MAPK7: variants seen among roughly 807,000 people sequenced by gnomAD.
MAPK7 encodes BMK-1.
In MAPK7, 30 loss-of-function variants were observed where a neutral mutation model predicts 56.9. That is an observed-to-expected ratio of 0.53 (90% CI 0.39 to 0.72). The LOEUF is 0.72. Ranked by LOEUF, MAPK7 falls within the 30% of genes least tolerant of loss-of-function variation. The pLI is 0.00. For missense variants in MAPK7, 952 were observed against 1,110.8 expected (o/e 0.86, Z 2.03); for synonymous variants, 516 against 449.3 (o/e 1.15, Z -1.88).
At chr17:19,379,711 G>A (rs1282745664) in intron 2 of MAPK7, 71 bp from the exon 3 acceptor site, 1 of 1,449,284 alleles carries the variant, frequency 6.9e-7, no homozygotes, top group Non-Finnish European at 9.5e-7. Flanking sequence ...GGGAGGTGTT[G>A]ATAGGGGCTG....
At position 19,379,880 on chromosome 17, in the gene MAPK7, C is replaced by T. The variant is rs765910850; in HGVS notation, c.331C>T (p.His111Tyr). Residue 111 changes from histidine to tyrosine, a missense_variant, in exon 3 of 7, where the codon CAC becomes TAC. Physicochemically the swap from His to Tyr is moderately conservative, Grantham distance 83. Around this residue, in one of 5 missense-constraint regions of MAPK7, gnomAD observed 213 missense variants for 243.2 expected, o/e 0.88. Transcript: ENST00000395604. ...RELKILKHFK[H>Y]DNIIAIKDIL... is the part of the protein sequence containing the mutation. ...GCTGAAGATCCTCAAGCACTTTAAA[C>T]ACGACAACATCATCGCCATCAAGGA... 2 of 1,614,130 alleles carry T rather than the reference C, an allele frequency of 1.2e-6. No homozygotes were observed. Among genetic ancestry groups the T allele is most frequent in the African/African-American group, 1.3e-5 (1 of 74,942 alleles).
At chr17:19,380,347 C>T in intron 3 of MAPK7, 1 of 836,008 alleles carries the variant, frequency 1.2e-6, no homozygotes, top group Non-Finnish European at 1.7e-6. Context: ...ACCTATTGGC[C>T]AGCCCTGGTG....
Position 19,378,711 on chromosome 17 carries a change from C to G in MAPK7, c.-6+81C>G. 7.2e-7 allele frequency: 1 copy of G among 1,394,836 alleles called. No homozygotes were observed. Among genetic ancestry groups the G allele is most frequent in the Non-Finnish European group, 9.4e-7 (1 of 1,068,864 alleles). The allele number at this position is 1,394,836 out of a possible 1,614,324, so 86.4% of individuals were successfully genotyped here. A position where few individuals can be genotyped will look rare whatever the true frequency, so the allele number is the denominator to read the frequency against. On this transcript the variant is annotated intron_variant, in intron 1 of 6. Transcript: ENST00000395604. This position sits in a 1 kb window ranked among gnomAD's most constrained non-coding sequence, Gnocchi z 5.4. ...CGCGCCTCGCCTACCCCTCCCCCGA[C>G]CCTGGCGGGCCCCCGGCTCTGGGCC...
rs2152295054 is a variant in MAPK7, at chr17:19,383,281, A to G, written c.*50A>G. 6.3e-7 allele frequency: 1 copy of G among 1,595,958 alleles called. No homozygotes were observed. Among genetic ancestry groups the G allele is most frequent in the East Asian group, 2.2e-5 (1 of 44,642 alleles). ...CACAGTAGACCTAGTTCCAGGATCC[A>G]TGGGAGCATTCTCAAAGGCTTTAGC... is the stretch of plus-strand genomic sequence containing the variant. On this transcript the variant is annotated 3_prime_UTR_variant, in exon 7 of 7. Coordinates refer to ENST00000395604, the MANE Select transcript of MAPK7 (RefSeq NM_002749.4).
intron 2 of MAPK7, chr17:19,379,338 T>A (rs1013343302): frequency 5.0e-6 from 3 of 601,242 alleles, no homozygotes; most frequent in Non-Finnish European, 8.9e-6. Context: ...CCTGCCTGCC[T>A]ACTTCCTCCT....
chr17:19,378,787 C>CT lies in MAPK7; in HGVS notation c.-5-107dup. ...CACGAACCAGCCGCGCGCTTCTGCC[C>CT]TTGTCGGTTTAGGAAACTGGGAAGT... is the stretch of plus-strand genomic sequence containing the variant. On this transcript the variant is annotated intron_variant, in intron 1 of 6. Coordinates refer to ENST00000395604, the MANE Select transcript of MAPK7 (RefSeq NM_002749.4). The surrounding 1 kb of genome is among the most constrained non-coding windows in gnomAD (Gnocchi z 5.4). The CT allele has an allele frequency of 7.6e-7, 1 of 1,309,760 alleles. No homozygotes were observed. Among genetic ancestry groups the CT allele is most frequent in the Non-Finnish European group, 1.0e-6 (1 of 975,702 alleles). The allele number at this position is 1,309,760 out of a possible 1,614,324, so 81.1% of individuals were successfully genotyped here. A position where few individuals can be genotyped will look rare whatever the true frequency, so the allele number is the denominator to read the frequency against.
rs749230982 is a variant in MAPK7 at position 19,383,057 on chromosome 17, C to T, written c.2298-21C>T. ...GGTCCAGCCTAGGCTAATAGCACCC[C>T]TCCCTTTCCTTCCCCTGCAGCCAGG... On this transcript the variant is annotated intron_variant, in intron 6 of 6. Transcript: ENST00000395604. 5 of 1,613,716 alleles carry T rather than the reference C, an allele frequency of 3.1e-6. No homozygotes were observed. The South Asian group carries it at 5.5e-5, about 18-fold the overall frequency.
In MAPK7 at chr17:19,380,635, C is replaced by T. The variant is rs775133038; in HGVS notation, c.426C>T (p.Ser142=). 1.3e-5 allele frequency: 21 copies of T among 1,605,706 alleles called. No individual in the cohort carries two copies. The highest frequency in any genetic ancestry group is 1.2e-4 in the Admixed American group (7 of 59,764). Residue 142 remains serine (S), a synonymous_variant, in exon 4 of 7, where the codon AGC becomes AGT. Coordinates refer to ENST00000395604, the MANE Select transcript of MAPK7 (RefSeq NM_002749.4). Reference sequence around the variant, plus strand: ...ACGTGGTCCTGGACCTGATGGAAAGCGACCTGCACCAGATCATCCACTCCT... The same window carrying T: ...ACGTGGTCCTGGACCTGATGGAAAGTGACCTGCACCAGATCATCCACTCCT... The part of the protein sequence containing the change: ...SVYVVLDLME[S]DLHQIIHSSQ...
In MAPK7 at chr17:19,380,729, C is replaced by T. The variant is rs1912577772; in HGVS notation, c.520C>T (p.His174Tyr). Residue 174 changes from histidine (H) to tyrosine (Y), a missense_variant, in exon 4 of 7, where the codon CAC becomes TAC. His to Tyr is a moderately conservative substitution (Grantham distance 83). Transcript: ENST00000395604. ...YQLLRGLKYM[H>Y]SAQVIHRDLK... ...ACTGCTGCGGGGCCTGAAGTACATG[C>T]ACTCGGCTCAGGTCATCCACCGTGA... 6.2e-7 allele frequency: 1 copy of T among 1,614,180 alleles called. No individual in the cohort carries two copies. Among genetic ancestry groups the T allele is most frequent in the Non-Finnish European group, 8.5e-7 (1 of 1,180,022 alleles).
rs753467532 is a variant in MAPK7, at chr17:19,382,045, C to A, written c.1742C>A (p.Pro581Gln). 1 of 1,575,776 alleles carries A rather than the reference C, an allele frequency of 6.3e-7. No homozygotes were observed. Among genetic ancestry groups the A allele is most frequent in the African/African-American group, 1.4e-5 (1 of 74,072 alleles). ...RWTRMARPAA[P>Q]ALTSVPAPAP... Reference sequence around the variant, plus strand: ...ACTCGAATGGCCCGGCCCGCAGCCCCAGCCCTCACCTCTGTGCCGGCCCCT... The same window carrying A: ...ACTCGAATGGCCCGGCCCGCAGCCCAAGCCCTCACCTCTGTGCCGGCCCCT... Residue 581 changes from proline to glutamine, a missense_variant, in exon 5 of 7, where the codon CCA (proline) becomes CAA (glutamine). Coordinates refer to ENST00000395604, the MANE Select transcript of MAPK7 (RefSeq NM_002749.4).
At position 19,380,821 on chromosome 17, in the gene MAPK7, T is replaced by C; in HGVS notation, c.612T>C (p.Ala204=). Residue 204 remains alanine, a synonymous_variant, in exon 4 of 7, where the codon GCT becomes GCC. Transcript: ENST00000395604. ...TCAAGATTGGTGACTTTGGTATGGC[T>C]CGTGGCCTGTGCACCTCGCCCGCTG... ...CELKIGDFGM[A]RGLCTSPAEH... The C allele has an allele frequency of 6.2e-7, 1 of 1,613,514 alleles. No individual in the cohort carries two copies. Among genetic ancestry groups the C allele is most frequent in the South Asian group, 1.1e-5 (1 of 91,032 alleles).
At position 19,381,754 on chromosome 17, in the gene MAPK7, C is replaced by G; in HGVS notation, c.1478-27C>G. 1 of 1,538,664 alleles carries G rather than the reference C, an allele frequency of 6.5e-7. No homozygotes were observed. Among genetic ancestry groups the G allele is most frequent in the South Asian group, 1.3e-5 (1 of 77,274 alleles). On this transcript the variant is annotated intron_variant, in intron 4 of 6. Coordinates refer to ENST00000395604, the MANE Select transcript of MAPK7 (RefSeq NM_002749.4). This position sits in a 1 kb window ranked among gnomAD's most constrained non-coding sequence, Gnocchi z 4.6. ...CTTGGACAAGGCTTCAGGCTTTTACCTTCTCCCCTGCCCAACTTCCCCGCA... is the reference window on the plus strand; with the variant it reads ...CTTGGACAAGGCTTCAGGCTTTTACGTTCTCCCCTGCCCAACTTCCCCGCA...
rs1912302420 is a variant in MAPK7 at position 19,378,554 on chromosome 17, A to G, written c.-82A>G. 5.9e-6 allele frequency: 7 copies of G among 1,180,536 alleles called. No homozygotes were observed. In the South Asian group the frequency reaches 1.1e-4, roughly 19 times the overall value. The allele number at this position is 1,180,536 out of a possible 1,614,324, so 73.1% of individuals were successfully genotyped here. ...CGGCCTTTGAACAAGTAAGTGAGCC[A>G]CCCTCGGAGACCCCCGCGCTGGGGA... On this transcript the variant is annotated 5_prime_UTR_variant, in exon 1 of 7. Transcript: ENST00000395604. This position sits in a 1 kb window ranked among gnomAD's most constrained non-coding sequence, Gnocchi z 5.4.
chr17:19,382,032 C>G lies in MAPK7; in HGVS notation c.1729C>G (p.Arg577Gly). ...GTTGGAACGCTGGACTCGAATGGCCCGGCCCGCAGCCCCAGCCCTCACCTC... is the reference window on the plus strand; with the variant it reads ...GTTGGAACGCTGGACTCGAATGGCCGGGCCCGCAGCCCCAGCCCTCACCTC... ...SLLERWTRMARPAAPALTSVP... is the reference protein window; with the variant it reads ...SLLERWTRMAGPAAPALTSVP... Residue 577 changes from arginine to glycine, a missense_variant, in exon 5 of 7, where the codon CGG becomes GGG. Physicochemically the swap from Arg to Gly is moderately radical, Grantham distance 125. Around this residue, in one of 5 missense-constraint regions of MAPK7, gnomAD observed 234 missense variants for 210.4 expected, o/e 1.11. Coordinates refer to ENST00000395604, the MANE Select transcript of MAPK7 (RefSeq NM_002749.4). The G allele has an allele frequency of 2.6e-6, 4 of 1,564,148 alleles. No homozygotes were observed. Among genetic ancestry groups the G allele is most frequent in the Non-Finnish European group, 3.5e-6 (4 of 1,154,682 alleles).
In MAPK7 at chr17:19,382,506, G is replaced by T. The variant is rs2233082; in HGVS notation, c.2163+40G>T. ...CAGGCCATGGGGACACCTGGGTCTGGGCCAAAGGAAAATGGGTTCAGGAAG... is the reference window on the plus strand; with the variant it reads ...CAGGCCATGGGGACACCTGGGTCTGTGCCAAAGGAAAATGGGTTCAGGAAG... On this transcript the variant is annotated intron_variant, in intron 5 of 6. Coordinates refer to ENST00000395604, the MANE Select transcript of MAPK7 (RefSeq NM_002749.4). 136 of 1,530,878 alleles carry T rather than the reference G, an allele frequency of 8.9e-5. 5 individuals carry two copies. Among genetic ancestry groups the T allele is most frequent in the East Asian group, 4.7e-4 (21 of 44,314 alleles). 94.8% of individuals were successfully genotyped at this position (1,530,878 alleles called of 1,614,324 possible).
chr17:19,380,222 A>C, intron 3 of MAPK7: 1 of 516,154 alleles, frequency 1.9e-6, no homozygotes, highest in Non-Finnish European at 3.4e-6. Flanking sequence ...CCCATAGCAG[A>C]CTTCACTAAT....
chr17:19,380,088 A>G, intron 3 of MAPK7, 141 bp downstream of exon 3: 4 of 898,172 alleles, frequency 4.5e-6, no homozygotes, highest in Non-Finnish European at 6.7e-6. Flanking sequence ...CCAGTTCTTT[A>G]GAGTTTTGCC....
intron 6 of MAPK7, 38 bp downstream of exon 6, chr17:19,382,984 G>A (rs1164492014): frequency 6.2e-7 from 1 of 1,613,524 alleles, no homozygotes; most frequent in Admixed American, 1.7e-5. Context: ...CTGGGACTGT[G>A]GGGAGAGGTT....
Position 19,382,825 on chromosome 17 carries a change from C to T in MAPK7, c.2176C>T (p.Leu726=). The change falls in exon 6 of 7, where the codon CTG becomes TTG. Residue 726 remains leucine, a synonymous_variant. Coordinates refer to ENST00000395604, the MANE Select transcript of MAPK7 (RefSeq NM_002749.4). ...TCATTCCCTGCAGGTGGAGGACCCC[C>T]TGCCCCCTGTGTTCTCAGGCACACC... The part of the protein sequence containing the change: ...QLSKSQVEDP[L]PPVFSGTPKG... 2 of 1,614,176 alleles carry T rather than the reference C, an allele frequency of 1.2e-6. No homozygotes were observed. The highest frequency in any genetic ancestry group is 1.1e-5 in the South Asian group (1 of 91,080).
Sources: gnomAD v4.1 joint callset for allele counts on GRCh38, gnomAD v4.1.1 for gene constraint, gnomAD v4.1.1 regional missense constraint, Gnocchi (gnomAD v3.1) non-coding constraint, MANE v1.5 for transcripts, NCBI Gene and HGNC (gene_info 2026-07-23, HGNC 2026-07-21) for gene names.